The following PFN4 variants were observed in gnomAD, a reference collection of about 807,000 sequenced individuals.
PFN4 encodes profilin family member 4.
A neutral mutation model predicts 16.3 loss-of-function variants in PFN4; 10 were observed. The observed-to-expected ratio is 0.61, with a 90% CI of 0.38 to 1.04. The LOEUF is 1.04. PFN4 is among the 50% of genes least tolerant of loss of function. The probability of loss-of-function intolerance (pLI) is 0.01; values close to 1 mark genes in which losing one functional copy is unlikely to be tolerated. For synonymous variants in PFN4, 54 were observed against 56.9 expected, an observed-to-expected ratio of 0.95 and a Z score of 0.23; for missense variants, 136 against 153.6, an observed-to-expected ratio of 0.89 and a Z score of 0.61.
At position 24,115,486 on chromosome 2, in the gene PFN4, T is replaced by G; in HGVS notation, c.*97A>C. ...AATTCATTCTTCTTTTTTAGTGCCT[T>G]CTGTCTAGTGTTTTTTCAACCATAA... On this transcript the variant is annotated 3_prime_UTR_variant, in exon 5 of 5. Coordinates refer to ENST00000313213, the MANE Select transcript of PFN4 (RefSeq NM_199346.3). 1 of 1,071,670 alleles carries G rather than the reference T, an allele frequency of 9.3e-7. No homozygotes were observed. Among genetic ancestry groups the G allele is most frequent in the Non-Finnish European group, 1.4e-6 (1 of 725,614 alleles). 66.4% of individuals were successfully genotyped at this position (1,071,670 alleles called of 1,614,324 possible).
In PFN4 at chr2:24,121,290, C is replaced by A. The variant is rs373773551; in HGVS notation, c.128G>T (p.Ser43Ile). Reference sequence around the variant, plus strand: ...TCCATTCACCAGTGTTCGGACATCACTGGGCGTTACCTGGAGAGGTTACAT... The same window carrying A: ...TCCATTCACCAGTGTTCGGACATCAATGGGCGTTACCTGGAGAGGTTACAT... ...VASPGFNVTP[S>I]DVRTLVNGFA... Residue 43 changes from serine (S) to isoleucine (I), a missense_variant, in exon 3 of 5, where the codon AGT becomes ATT. Ser to Ile is a moderately radical substitution (Grantham distance 142). Coordinates refer to ENST00000313213, the MANE Select transcript of PFN4 (RefSeq NM_199346.3). The A allele has an allele frequency of 2.5e-5, 40 of 1,614,054 alleles. No homozygotes were observed. The African/African-American group carries it at 4.1e-4, about 17-fold the overall frequency.
intron 4 of PFN4, among the ~76,000 whole-genome samples, chr2:24,118,680 G>A (rs978595918): frequency 6.6e-6 from 1 of 152,186 alleles, no homozygotes; most frequent in Non-Finnish European, 1.5e-5. Context: ...ATAGATGTGA[G>A]GGACAGGAAG....
intron 3 of PFN4, among the ~76,000 whole-genome samples, chr2:24,120,602 C>G (rs1485606701): frequency 6.6e-6 from 1 of 152,052 alleles, no homozygotes; most frequent in African/African-American, 2.4e-5. Context: ...GTTGCCCAAG[C>G]CGGAGTGCAA....
rs1665874926 is a variant in PFN4 at position 24,115,179 on chromosome 2, T to C, written c.*404A>G. On this transcript the variant is annotated 3_prime_UTR_variant, in exon 5 of 5. Transcript: ENST00000313213. Reference sequence around the variant, plus strand: ...CAGTAAGCAAGCTTGCTCTCTGTCCTGATGGGAGACATCCCTTCATTTTTC... The same window carrying C: ...CAGTAAGCAAGCTTGCTCTCTGTCCCGATGGGAGACATCCCTTCATTTTTC... Among the ~76,000 whole-genome samples, 1 of 152,228 alleles carries C rather than the reference T, an allele frequency of 6.6e-6. No individual in the cohort carries two copies. The highest frequency in any genetic ancestry group is 1.5e-5 in the Non-Finnish European group (1 of 68,036).
At chr2:24,120,082 AACATGGTGAAACCCC>A (rs1351933006) in intron 3 of PFN4, among the ~76,000 whole-genome samples, 1 of 152,182 alleles carries the variant, frequency 6.6e-6, no homozygotes, top group Non-Finnish European at 1.5e-5. Flanking sequence ...CAGCCTGGCC[AACATGGTGAAACCCC>A]ATCTCTACTA....
intron 4 of PFN4, among the ~76,000 whole-genome samples, chr2:24,119,135 C>T (rs927092950): frequency 6.6e-6 from 1 of 152,000 alleles, no homozygotes; most frequent in African/African-American, 2.4e-5. Flanking sequence ...ATAGGGTAGA[C>T]CCCCAGCAGC....
chr2:24,117,983 A>C (rs1268214928), intron 4 of PFN4, among the ~76,000 whole-genome samples: 2 of 152,196 alleles, frequency 1.3e-5, no homozygotes. Flanking sequence ...TAACCAGGGC[A>C]CATTCTTTGG....
intron 4 of PFN4, among the ~76,000 whole-genome samples, chr2:24,116,307 G>A (rs113009760): frequency 0.031 from 4,782 of 152,084 alleles, 103 homozygotes; most frequent in African/African-American, 0.064. Flanking sequence ...CAGCCTGAGC[G>A]ACAGAGCGAA....
intron 3 of PFN4, 100 bp downstream of exon 3, chr2:24,121,063 T>C: frequency 6.9e-7 from 1 of 1,456,458 alleles, no homozygotes; most frequent in African/African-American, 1.4e-5. Context: ...AAGACATTAA[T>C]GGATTTAATC....
Position 24,123,101 on chromosome 2 carries a change from A to G in PFN4, c.-13+17T>C. The G allele has an allele frequency of 6.6e-6, 1 of 151,960 alleles. No individual in the cohort carries two copies. Among genetic ancestry groups the G allele is most frequent in the East Asian group, 1.9e-4 (1 of 5,156 alleles). 9.4% of individuals were successfully genotyped at this position (151,960 alleles called of 1,614,324 possible). A position where few individuals can be genotyped will look rare whatever the true frequency, so the allele number is the denominator to read the frequency against. On this transcript the variant is annotated intron_variant, in intron 1 of 4. Coordinates refer to ENST00000313213, the MANE Select transcript of PFN4 (RefSeq NM_199346.3). ...TCCCGCACAAGTCCCCAAGCCTTGG[A>G]CCCCCCTCATCAGGACCTCCGGCAC...
intron 2 of PFN4, among the ~76,000 whole-genome samples, 159 bp from the exon 3 acceptor site, chr2:24,121,459 CACTT>C (rs1330074472): frequency 6.6e-6 from 1 of 152,180 alleles, no homozygotes; most frequent in African/African-American, 2.4e-5. Context: ...CACTTCGTGA[CACTT>C]ACAAATTATA....
At position 24,115,440 on chromosome 2, in the gene PFN4, A is replaced by T; in HGVS notation, c.*143T>A. The T allele has an allele frequency of 1.5e-6, 1 of 656,140 alleles. No individual in the cohort carries two copies. The highest frequency in any genetic ancestry group is 2.6e-6 in the Non-Finnish European group (1 of 382,024). 40.6% of individuals were successfully genotyped at this position (656,140 alleles called of 1,614,324 possible). On this transcript the variant is annotated 3_prime_UTR_variant, in exon 5 of 5. Coordinates refer to ENST00000313213, the MANE Select transcript of PFN4 (RefSeq NM_199346.3). The stretch of plus-strand genomic sequence containing the variant: ...CCAGTGAAAGAAGAGGATCTCTGGA[A>T]GTAATAAAAATTGCTCCCTTAATTC...
chr2:24,116,561 A>G (rs889112243), intron 4 of PFN4, among the ~76,000 whole-genome samples: 1 of 151,708 alleles, frequency 6.6e-6, no homozygotes, highest in African/African-American at 2.4e-5. Flanking sequence ...TCTTTTTTCA[A>G]CCTGAGGACC....
chr2:24,122,594 A>G lies in PFN4; in HGVS notation c.-12-47T>C, dbSNP rs895241558. 11 of 1,162,216 alleles carry G rather than the reference A, an allele frequency of 9.5e-6. No homozygotes were observed. The African/African-American group carries it at 1.7e-4, about 18-fold the overall frequency. 72.0% of individuals were successfully genotyped at this position (1,162,216 alleles called of 1,614,324 possible). On this transcript the variant is annotated intron_variant, in intron 1 of 4. Transcript: ENST00000313213. ...AAGCCATTGACTCTGGCTAGCTTTT[A>G]AAAGGCATGTGAATACAAATGTCCT...
At position 24,116,821 on chromosome 2, in the gene PFN4, G is replaced by A. The variant is rs1364488385; in HGVS notation, c.362-1210C>T. On this transcript the variant is annotated intron_variant, in intron 4 of 4. Coordinates refer to ENST00000313213, the MANE Select transcript of PFN4 (RefSeq NM_199346.3). ...ATCTCTTGAACCTGGAAGTTGCAGG[G>A]AGCCAATATCACACCACTGCACTTT... 2.6e-5 allele frequency among the ~76,000 whole-genome samples: 4 copies of A among 151,130 alleles called. No individual in the cohort carries two copies. In the East Asian group the frequency reaches 7.8e-4, roughly 30 times the overall value.
intron 3 of PFN4, among the ~76,000 whole-genome samples, chr2:24,120,251 A>C (rs1666062842): frequency 6.6e-6 from 1 of 150,422 alleles, no homozygotes; most frequent in African/African-American, 2.4e-5. Context: ...CCTGGGCGAC[A>C]AAAGTGAAAC....
chr2:24,117,850 A>T (rs1345570381), intron 4 of PFN4, among the ~76,000 whole-genome samples: 2 of 152,222 alleles, frequency 1.3e-5, no homozygotes, highest in Non-Finnish European at 2.9e-5. Flanking sequence ...CAGTCATAAG[A>T]CAACTGGCTC....
At chr2:24,120,916 G>C (rs186579927) in intron 3 of PFN4, among the ~76,000 whole-genome samples, 180 of 151,320 alleles carry the variant, frequency 1.2e-3, no homozygotes, top group Admixed American at 3.6e-3. Flanking sequence ...ATGAAGGTGG[G>C]ACTGTATTGG....
intron 3 of PFN4, among the ~76,000 whole-genome samples, chr2:24,120,009 C>A (rs1385782484): frequency 6.6e-6 from 1 of 152,172 alleles, no homozygotes; most frequent in Non-Finnish European, 1.5e-5. Context: ...TGGCTCCCGC[C>A]TGTAATCCCA....
Sources: gnomAD v4.1 joint callset for allele counts (sites outside exome capture counted in the v4.1 genomes callset) on GRCh38, gnomAD v4.1.1 for gene constraint, MANE v1.5 for transcripts, NCBI Gene and HGNC (gene_info 2026-07-23, HGNC 2026-07-21) for gene names.